SEC14L5: variants seen among roughly 807,000 people sequenced by gnomAD.
SEC14L5 encodes the protein SEC14-like protein 5.
In SEC14L5, 96 loss-of-function variants were observed where a neutral mutation model predicts 84.6. The observed-to-expected ratio is 1.13, with a 90% CI of 0.96 to 1.34. The LOEUF (loss-of-function observed/expected upper bound fraction) is 1.34. SEC14L5 is among the 40% of genes most tolerant of loss of function. The pLI is 0.00. For synonymous variants in SEC14L5, 546 were observed against 383.4 expected (o/e 1.42, Z -4.95); for missense variants, 1,224 against 942.5 (o/e 1.30, Z -3.91).
intron 2 of SEC14L5, among the ~76,000 whole-genome samples, chr16:4,973,930 C>CG (rs1955308936): frequency 1.3e-5 from 2 of 151,892 alleles, no homozygotes; most frequent in Admixed American, 1.3e-4. Flanking sequence ...GTGATCTGCC[C>CG]CCTGAGGCCT....
rs1378763338 is a variant in SEC14L5, at chr16:5,016,574, C to G, written c.*1604C>G. On this transcript the variant is annotated 3_prime_UTR_variant, in exon 16 of 16. Transcript: ENST00000251170. Reference sequence around the variant, plus strand: ...TCCTCATGACCTGCGTGGCAGGAGTCTCACTGACATGGCTCTGTCAGCAGT... The same window carrying G: ...TCCTCATGACCTGCGTGGCAGGAGTGTCACTGACATGGCTCTGTCAGCAGT... 1 of 152,218 alleles carries G rather than the reference C, an allele frequency of 6.6e-6. No individual in the cohort carries two copies. Among genetic ancestry groups the G allele is most frequent in the Non-Finnish European group, 1.5e-5 (1 of 68,042 alleles). 9.4% of individuals were successfully genotyped at this position (152,218 alleles called of 1,614,324 possible).
Position 5,015,024 on chromosome 16 carries a change from A to C in SEC14L5, c.*54A>C. The C allele has an allele frequency of 2.9e-6, 4 of 1,391,818 alleles. No individual in the cohort carries two copies. In the South Asian group the frequency reaches 4.7e-5, roughly 16 times the overall value. The allele number at this position is 1,391,818 out of a possible 1,614,324, so 86.2% of individuals were successfully genotyped here. A position where few individuals can be genotyped will look rare whatever the true frequency, so the allele number is the denominator to read the frequency against. ...TCGCCTCCAGTGTCCAGAAATGTCC[A>C]GAATGAGAAGCCAGCTAACTGCAGG... On this transcript the variant is annotated 3_prime_UTR_variant, in exon 16 of 16. Coordinates refer to ENST00000251170, the MANE Select transcript of SEC14L5 (RefSeq NM_014692.2).
In SEC14L5 at chr16:5,017,533, G is replaced by GT. The variant is rs1955889308; in HGVS notation, c.*2563_*2564insT. 1 of 152,246 alleles carries GT rather than the reference G, an allele frequency of 6.6e-6. No individual in the cohort carries two copies. Among genetic ancestry groups the GT allele is most frequent in the East Asian group, 1.9e-4 (1 of 5,198 alleles). 9.4% of individuals were successfully genotyped at this position (152,246 alleles called of 1,614,324 possible). On this transcript the variant is annotated 3_prime_UTR_variant, in exon 16 of 16. Transcript: ENST00000251170. ...TAATTTCAGGATTCACACTCTAAGA[G>GT]ATGCTTTTCCATCTCAAATCTCATG...
At chr16:4,989,011 T>C (rs1051147545) in intron 4 of SEC14L5, among the ~76,000 whole-genome samples, 4 of 152,188 alleles carry the variant, frequency 2.6e-5, no homozygotes, top group Non-Finnish European at 4.4e-5. Flanking sequence ...TGCTGAAGGA[T>C]GAGAGGAGCT....
chr16:4,974,777 C>CCTCATATATAT (rs1955320919), intron 2 of SEC14L5, among the ~76,000 whole-genome samples: 3 of 151,740 alleles, frequency 2.0e-5, no homozygotes, highest in Admixed American at 2.0e-4. Flanking sequence ...GCCTTTGCAT[C>CCTCATATATAT]CTCATATATA....
In SEC14L5 at chr16:5,015,122, G is replaced by T. The variant is rs1264848401; in HGVS notation, c.*152G>T. ...TTGGGGTGTCTGGAGCGGATGGCAA[G>T]GATCCAGAACTGGCCTGTGGGTGGT... On this transcript the variant is annotated 3_prime_UTR_variant, in exon 16 of 16. Coordinates refer to ENST00000251170, the MANE Select transcript of SEC14L5 (RefSeq NM_014692.2). 3.2e-6 allele frequency: 2 copies of T among 630,952 alleles called. No homozygotes were observed. The highest frequency in any genetic ancestry group is 5.5e-6 in the Non-Finnish European group (2 of 362,812). The allele number at this position is 630,952 out of a possible 1,614,324, so 39.1% of individuals were successfully genotyped here.
Position 4,991,885 on chromosome 16 carries a change from T to C in SEC14L5, c.522T>C (p.Gly174=). 1 of 1,610,332 alleles carries C rather than the reference T, an allele frequency of 6.2e-7. No homozygotes were observed. The highest frequency in any genetic ancestry group is 8.5e-7 in the Non-Finnish European group (1 of 1,178,922). Residue 174 remains glycine (G), a synonymous_variant, in exon 6 of 16, where the codon GGT becomes GGC. Coordinates refer to ENST00000251170, the MANE Select transcript of SEC14L5 (RefSeq NM_014692.2). ...ACCTGAATGAGCTCATCTCCCAGGG[T>C]ACCTCGCACATTCCGCGCTGGACGC... ...EHYLNELISQ[G]TSHIPRWTPA...
chr16:5,010,429 C>T lies in SEC14L5; in HGVS notation c.1801-666C>T, dbSNP rs576626531. Among the ~76,000 whole-genome samples, 334 of 152,200 alleles carry T rather than the reference C, an allele frequency of 2.2e-3. 3 individuals carry two copies. The highest frequency in any genetic ancestry group is 3.9e-3 in the Admixed American group (60 of 15,280). On this transcript the variant is annotated intron_variant, in intron 14 of 15. Coordinates refer to ENST00000251170, the MANE Select transcript of SEC14L5 (RefSeq NM_014692.2). ...AACGTGTAACTGGAATATGAGCTGC[C>T]CCTGTTGATCCCCACATTCTCCAGG...
rs777758561 is a variant in SEC14L5 at position 4,992,016 on chromosome 16, C to T, written c.653C>T (p.Ala218Val). The T allele has an allele frequency of 2.3e-5, 36 of 1,571,450 alleles. No homozygotes were observed. The highest frequency in any genetic ancestry group is 5.8e-5 in the South Asian group (5 of 86,780). ...PRSTLGPALE[A>V]VSMDGDKLDA... ...AGCACCCTGGGGCCCGCTCTGGAGG[C>T]GGTCAGTATGGACGGTAGGTGGTAC... Residue 218 changes from alanine (A) to valine (V), a missense_variant, in exon 6 of 16, where the codon GCG becomes GTG. Transcript: ENST00000251170.
chr16:4,988,188 A>T lies in SEC14L5; in HGVS notation c.253A>T (p.Ile85Phe). 1 of 1,613,588 alleles carries T rather than the reference A, an allele frequency of 6.2e-7. No individual in the cohort carries two copies. The highest frequency in any genetic ancestry group is 1.1e-5 in the South Asian group (1 of 91,080). The change falls in exon 4 of 16, where the codon ATC becomes TTC. Residue 85 changes from isoleucine to phenylalanine, a missense_variant. Physicochemically the swap from Ile to Phe is conservative, Grantham distance 21 (BLOSUM62 0). Coordinates refer to ENST00000251170, the MANE Select transcript of SEC14L5 (RefSeq NM_014692.2). Reference sequence around the variant, plus strand: ...GCACGTGGTCTTCGTGCAGACAAACATCTTGAACTGGAAGGAGAGGACGCT... The same window carrying T: ...GCACGTGGTCTTCGTGCAGACAAACTTCTTGAACTGGAAGGAGAGGACGCT... ...VEHVVFVQTN[I>F]LNWKERTLLI...
intron 15 of SEC14L5, among the ~76,000 whole-genome samples, chr16:5,013,242 C>G (rs1437003199): frequency 1.3e-5 from 2 of 152,160 alleles, no homozygotes; most frequent in Non-Finnish European, 2.9e-5. Context: ...CCAGGAGGTG[C>G]TCAGGGACGT....
intron 14 of SEC14L5, among the ~76,000 whole-genome samples, chr16:5,010,746 A>AAATCCCTTTCCT (rs1307571433): frequency 6.6e-6 from 1 of 152,136 alleles, no homozygotes; most frequent in Non-Finnish European, 1.5e-5. Flanking sequence ...CTCCCGGCCC[A>AAATCCCTTTCCT]AATCCCTTTC....
At chr16:5,009,871 GA>G (rs766224511) in intron 14 of SEC14L5, among the ~76,000 whole-genome samples, 3 of 152,118 alleles carry the variant, frequency 2.0e-5, no homozygotes, top group Non-Finnish European at 4.4e-5. Context: ...GTTCCAGGTG[GA>G]AGGAACAGAA....
chr16:5,008,054 C>G (rs1176548965), intron 13 of SEC14L5, among the ~76,000 whole-genome samples: 1 of 151,858 alleles, frequency 6.6e-6, no homozygotes, highest in Non-Finnish European at 1.5e-5. Context: ...ATTACAGGTG[C>G]CAGCCAGCAT....
chr16:5,019,000 C>A lies in SEC14L5; in HGVS notation c.*4030C>A, dbSNP rs1955904536. 1 of 152,136 alleles carries A rather than the reference C, an allele frequency of 6.6e-6. No homozygotes were observed. 9.4% of individuals were successfully genotyped at this position (152,136 alleles called of 1,614,324 possible). A position where few individuals can be genotyped will look rare whatever the true frequency, so the allele number is the denominator to read the frequency against. ...ACTTGCATCGTCAGCTTCCTAAAAC[C>A]CTGGAGGTTTCCCGTGGGCTCGTTC... is the stretch of plus-strand genomic sequence containing the variant. On this transcript the variant is annotated 3_prime_UTR_variant, in exon 16 of 16. Coordinates refer to ENST00000251170, the MANE Select transcript of SEC14L5 (RefSeq NM_014692.2).
In SEC14L5 at chr16:5,000,408, G is replaced by A. The variant is rs114130405; in HGVS notation, c.971-247G>A. 6.6e-3 allele frequency among the ~76,000 whole-genome samples: 1,009 copies of A among 152,322 alleles called. 12 individuals are homozygous for A. Among genetic ancestry groups the A allele is most frequent in the African/African-American group, 0.023 (965 of 41,566 alleles). ...CTGCCTCTGCCCCCCAAAATGCTGG[G>A]GTAATAGGTGTGAGCCACTGTGCTG... On this transcript the variant is annotated intron_variant, in intron 8 of 15. Coordinates refer to ENST00000251170, the MANE Select transcript of SEC14L5 (RefSeq NM_014692.2).
chr16:4,991,957 G>A lies in SEC14L5; in HGVS notation c.594G>A (p.Arg198=). Residue 198 remains arginine (R), a synonymous_variant, in exon 6 of 16, where the codon AGG becomes AGA. Transcript: ENST00000251170. ...ATGCCCGCAACCAGGCTGGACCGAG[G>A]GACCCCAGCTCCCTGGAGGCCCACG... ...EEDARNQAGP[R]DPSSLEAHGP... 6.3e-7 allele frequency: 1 copy of A among 1,596,268 alleles called. No homozygotes were observed. Among genetic ancestry groups the A allele is most frequent in the Non-Finnish European group, 8.5e-7 (1 of 1,175,270 alleles).
At chr16:4,962,054 C>A (rs1411222541) in intron 2 of SEC14L5, among the ~76,000 whole-genome samples, 1 of 151,582 alleles carries the variant, frequency 6.6e-6, no homozygotes, top group Non-Finnish European at 1.5e-5. Context: ...ATACAGTCAT[C>A]CCCATTTCAC....
rs765045133 is a variant in SEC14L5 at position 5,007,462 on chromosome 16, C to A, written c.1548C>A (p.Ser516Arg). 1.2e-6 allele frequency: 2 copies of A among 1,613,592 alleles called. No homozygotes were observed. The highest frequency in any genetic ancestry group is 1.7e-5 in the Admixed American group (1 of 60,004). ...GGAGTGAGACCTACCATTCAGCCAG[C>A]GTGCTCCGCGGAGCCCCCCACGAGG... Reference protein sequence around the residue: ...WQWSETYHSASVLRGAPHEVA... With the variant: ...WQWSETYHSARVLRGAPHEVA... The change falls in exon 13 of 16, where the codon AGC becomes AGA. Residue 516 changes from serine to arginine, a missense_variant. Ser to Arg is a moderately radical substitution (Grantham distance 110). Coordinates refer to ENST00000251170, the MANE Select transcript of SEC14L5 (RefSeq NM_014692.2).
Sources: gnomAD v4.1 joint callset for allele counts (sites outside exome capture counted in the v4.1 genomes callset) on GRCh38, gnomAD v4.1.1 for gene constraint, MANE v1.5 for transcripts, NCBI Gene and HGNC (gene_info 2026-07-23, HGNC 2026-07-21) for gene names.